NREP: variants seen among roughly 807,000 people sequenced by gnomAD.
NREP encodes neuronal regeneration related protein, also known as neuronal regeneration-related protein.
A neutral mutation model predicts 8.6 loss-of-function variants in NREP; 5 were observed. The observed-to-expected ratio is 0.58, with a 90% CI of 0.30 to 1.22. The LOEUF (loss-of-function observed/expected upper bound fraction) is 1.22. Ranked by LOEUF, NREP falls within the 50% of genes most tolerant of loss-of-function variation. NREP has a pLI of 0.07. For missense variants in NREP, 86 were observed against 82.5 expected (o/e 1.04, Z -0.17); for synonymous variants, 27 against 28.0 (o/e 0.96, Z 0.11).
chr5:111,828,108 G>T (rs1253122293), intron 2 of NREP, among the ~76,000 whole-genome samples: 6 of 151,370 alleles, frequency 4.0e-5, no homozygotes, highest in African/African-American at 1.5e-4. Flanking sequence ...TCGGCTCACC[G>T]CAACCTCCAG....
intron 2 of NREP, among the ~76,000 whole-genome samples, chr5:111,826,839 G>A (rs1381557455): frequency 6.6e-6 from 1 of 152,170 alleles, no homozygotes; most frequent in East Asian, 1.9e-4. Context: ...CTAGCCGGAA[G>A]TATAATTTTG....
intron 2 of NREP, among the ~76,000 whole-genome samples, chr5:111,813,539 A>AT (rs553165760): frequency 1.3e-5 from 2 of 151,800 alleles, no homozygotes; most frequent in African/African-American, 4.8e-5. Context: ...CCTCCTATAT[A>AT]TTTTTTCTTC....
chr5:111,917,915 A>G (rs1317506633), intron 2 of NREP, among the ~76,000 whole-genome samples: 2 of 152,162 alleles, frequency 1.3e-5, no homozygotes, highest in Non-Finnish European at 2.9e-5. Flanking sequence ...GAGGAAGTCA[A>G]ATTGTCTCTG....
upstream of NREP, chr5:111,757,894 C>A: frequency 2.0e-6 from 2 of 984,668 alleles, no homozygotes; most frequent in South Asian, 9.4e-5. Flanking sequence ...AGCCCGGCGG[C>A]CCGCCAGGGC....
intron 2 of NREP, among the ~76,000 whole-genome samples, chr5:111,884,955 G>A (rs1394540645): frequency 1.3e-5 from 2 of 152,172 alleles, no homozygotes; most frequent in African/African-American, 4.8e-5. Flanking sequence ...ATTCAACCTA[G>A]TGTTGGAAGT....
intron 2 of NREP, among the ~76,000 whole-genome samples, chr5:111,881,294 A>T (rs938054636): frequency 6.6e-6 from 1 of 152,232 alleles, no homozygotes; most frequent in Non-Finnish European, 1.5e-5. Flanking sequence ...ACCATTGCCC[A>T]GGCTTGCTTA....
At chr5:111,951,932 T>G (rs1418995512) in intron 2 of NREP, among the ~76,000 whole-genome samples, 1 of 152,048 alleles carries the variant, frequency 6.6e-6, no homozygotes, top group Non-Finnish European at 1.5e-5. Context: ...GGCACAAAAG[T>G]GGATACCTCC....
chr5:111,974,404 C>CG (rs2067348), intron 2 of NREP: 56,503 of 152,032 alleles, frequency 0.37, 10,858 homozygotes, highest in East Asian at 0.55. Flanking sequence ...GACATTAGAA[C>CG]GCATCATAAA....
At chr5:111,862,769 CT>C (rs1753579321) in intron 2 of NREP, among the ~76,000 whole-genome samples, 1 of 151,768 alleles carries the variant, frequency 6.6e-6, no homozygotes, top group Non-Finnish European at 1.5e-5. Flanking sequence ...ACAGACAAAA[CT>C]ACCCATGGCA....
At chr5:111,882,634 G>A (rs186822190) in intron 2 of NREP, among the ~76,000 whole-genome samples, 541 of 152,292 alleles carry the variant, frequency 3.6e-3, no homozygotes, top group African/African-American at 0.012. Context: ...CTGATCTCTC[G>A]GCAGAAACTC....
At chr5:111,733,932 T>C (rs1192049084) in intron 3 of NREP, 1 of 152,190 alleles carries the variant, frequency 6.6e-6, no homozygotes, top group Admixed American at 6.5e-5. Flanking sequence ...TACAAAGATA[T>C]GCTTTTCCAG....
At chr5:111,868,073 A>G (rs1276143893) in intron 2 of NREP, among the ~76,000 whole-genome samples, 1 of 151,956 alleles carries the variant, frequency 6.6e-6, no homozygotes, top group African/African-American at 2.4e-5. Flanking sequence ...TAAAAATGAG[A>G]AAAAAAAGAT....
intron 2 of NREP, among the ~76,000 whole-genome samples, chr5:111,741,381 C>A (rs1260815477): frequency 6.6e-6 from 1 of 152,154 alleles, no homozygotes; most frequent in African/African-American, 2.4e-5. Flanking sequence ...CATACACTTC[C>A]TTTCTGCAAA....
chr5:111,932,607 GC>G (rs1345477470), intron 2 of NREP, among the ~76,000 whole-genome samples: 1 of 151,936 alleles, frequency 6.6e-6, no homozygotes, highest in East Asian at 1.9e-4. Flanking sequence ...ACAACATTTT[GC>G]CCCCTCCTTT....
intron 2 of NREP, among the ~76,000 whole-genome samples, chr5:111,769,538 G>A (rs1751167729): frequency 1.3e-5 from 2 of 152,180 alleles, no homozygotes; most frequent in African/African-American, 4.8e-5. Context: ...AAAGATATTG[G>A]GGGAGTGGGG....
chr5:111,899,455 A>G (rs1754590181), intron 2 of NREP, among the ~76,000 whole-genome samples: 2 of 152,122 alleles, frequency 1.3e-5, no homozygotes, highest in South Asian at 2.1e-4. Flanking sequence ...TCATGACCGC[A>G]GTGAGCTATG....
chr5:111,767,536 G>T (rs1751113638), intron 2 of NREP, among the ~76,000 whole-genome samples: 1 of 152,244 alleles, frequency 6.6e-6, no homozygotes, highest in Non-Finnish European at 1.5e-5. Flanking sequence ...TCTGTTCTCT[G>T]TTTATGCAAA....
intron 2 of NREP, among the ~76,000 whole-genome samples, chr5:111,852,563 G>C (rs916847471): frequency 2.6e-5 from 4 of 152,128 alleles, no homozygotes; most frequent in African/African-American, 9.7e-5. Flanking sequence ...TATGAGCAAA[G>C]CATGCTATTG....
chr5:111,855,629 A>T (rs1753409320), intron 2 of NREP, among the ~76,000 whole-genome samples: 1 of 152,176 alleles, frequency 6.6e-6, no homozygotes, highest in South Asian at 2.1e-4. Context: ...TGCTAATGTA[A>T]ATAGCTAAAT....
Sources: gnomAD v4.1 joint callset for allele counts (sites outside exome capture counted in the v4.1 genomes callset) on GRCh38, gnomAD v4.1.1 for gene constraint, MANE v1.5 for transcripts, NCBI Gene and HGNC (gene_info 2026-07-23, HGNC 2026-07-21) for gene names.